LRP2: variants seen among roughly 807,000 people sequenced by gnomAD.
LRP2 encodes the protein LDL receptor related protein 2.
A neutral mutation model predicts 531.0 loss-of-function variants in LRP2; 172 were observed. That is an observed-to-expected ratio of 0.32 (90% CI 0.29 to 0.37). The LOEUF (loss-of-function observed/expected upper bound fraction) is 0.37. LRP2 is among the 10% of genes least tolerant of loss of function. LRP2 has a pLI of 1.00. For synonymous variants in LRP2, 1,992 were observed against 2,027.6 expected, an observed-to-expected ratio of 0.98 and a Z score of 0.47; for missense variants, 5,167 against 5,868.3, an observed-to-expected ratio of 0.88 and a Z score of 3.90.
At chr2:169,256,002 G>A in intron 19 of LRP2, 104 bp downstream of exon 19, 1 of 1,246,786 alleles carries the variant, frequency 8.0e-7, no homozygotes, top group Non-Finnish European at 1.2e-6. Context: ...ATTTTAAAGT[G>A]GCCAGCTTTT....
intron 22 of LRP2, among the ~76,000 whole-genome samples, chr2:169,244,351 A>C (rs1689923333): frequency 1.3e-5 from 2 of 152,236 alleles, no homozygotes; most frequent in South Asian, 4.1e-4. Context: ...AAAGGTCTGG[A>C]TATATCTATA....
intron 54 of LRP2, 112 bp from the exon 55 acceptor site, chr2:169,175,501 G>A (rs560858860): frequency 2.0e-5 from 19 of 940,668 alleles, no homozygotes; most frequent in African/African-American, 6.5e-5. Context: ...GCTCTCTCGT[G>A]GCCCTAGAAG....
chr2:169,240,168 A>T (rs1689753454), intron 25 of LRP2, among the ~76,000 whole-genome samples: 1 of 152,244 alleles, frequency 6.6e-6, no homozygotes, highest in African/African-American at 2.4e-5. Context: ...CAGAAATGGA[A>T]GATAGACAAA....
chr2:169,327,720 C>T (rs1415286189), intron 1 of LRP2, among the ~76,000 whole-genome samples: 1 of 130,268 alleles, frequency 7.7e-6, no homozygotes, highest in Non-Finnish European at 1.7e-5. Context: ...GGGATCAGCA[C>T]CCCGCCCGGC....
intron 44 of LRP2, among the ~76,000 whole-genome samples, chr2:169,200,588 G>A (rs1688171757): frequency 6.6e-6 from 1 of 152,110 alleles, no homozygotes; most frequent in Non-Finnish European, 1.5e-5. Context: ...AATACATGAA[G>A]ATCAAAGAGT....
In LRP2 at chr2:169,129,814, C is replaced by G. The variant is rs555708978; in HGVS notation, c.13729-730G>C. Among the ~76,000 whole-genome samples the G allele has an allele frequency of 7.2e-5, 11 of 152,290 alleles. No individual in the cohort carries two copies. The South Asian group carries it at 2.3e-3, about 32-fold the overall frequency. ...AAGATAATCACCCTGGACCATGGTGCGTGGCCCACGCTTTACTGAAAAGTT... is the reference window on the plus strand; with the variant it reads ...AAGATAATCACCCTGGACCATGGTGGGTGGCCCACGCTTTACTGAAAAGTT... On this transcript the variant is annotated intron_variant, in intron 77 of 78. Coordinates refer to ENST00000649046, the MANE Select transcript of LRP2 (RefSeq NM_004525.3).
intron 1 of LRP2, among the ~76,000 whole-genome samples, chr2:169,354,901 T>C (rs946925321): frequency 3.3e-5 from 5 of 152,226 alleles, no homozygotes; most frequent in African/African-American, 1.2e-4. Flanking sequence ...CTCTTTAAGC[T>C]TCTTTCTCTC....
At chr2:169,242,493 A>T (rs1689844151) in intron 24 of LRP2, among the ~76,000 whole-genome samples, 1 of 152,232 alleles carries the variant, frequency 6.6e-6, no homozygotes, top group African/African-American at 2.4e-5. Flanking sequence ...CATAGATAAC[A>T]TCTTAGCAGA....
intron 67 of LRP2, 41 bp from the exon 68 acceptor site, chr2:169,151,067 G>C: frequency 2.5e-6 from 4 of 1,611,052 alleles, no homozygotes; most frequent in African/African-American, 1.3e-5. Flanking sequence ...GCAAAGCCTA[G>C]AGTAATCATT....
chr2:169,337,247 A>G (rs1367345100), intron 1 of LRP2, among the ~76,000 whole-genome samples: 1 of 152,166 alleles, frequency 6.6e-6, no homozygotes, highest in Non-Finnish European at 1.5e-5. Flanking sequence ...CCAAGGAATG[A>G]ATTTTCTAAT....
At position 169,284,105 on chromosome 2, in the gene LRP2, T is replaced by C. The variant is rs574270047; in HGVS notation, c.1043-1104A>G. Among the ~76,000 whole-genome samples, 4 of 152,200 alleles carry C rather than the reference T, an allele frequency of 2.6e-5. No individual in the cohort carries two copies. In the South Asian group the frequency reaches 8.3e-4, roughly 32 times the overall value. ...TCTGAAACCACTGCACTCCCAAGTCTAGAATTCTCCAGATTTCTATGATCT... is the reference window on the plus strand; with the variant it reads ...TCTGAAACCACTGCACTCCCAAGTCCAGAATTCTCCAGATTTCTATGATCT... On this transcript the variant is annotated intron_variant, in intron 9 of 78. Transcript: ENST00000649046.
At chr2:169,234,045 A>G (rs894435577) in intron 29 of LRP2, among the ~76,000 whole-genome samples, 15 of 152,336 alleles carry the variant, frequency 9.8e-5, no homozygotes, top group Admixed American at 6.5e-5. Context: ...ATTCACATCA[A>G]TCTGTTATAG....
At chr2:169,343,198 C>A (rs1559084506) in intron 1 of LRP2, among the ~76,000 whole-genome samples, 1 of 152,214 alleles carries the variant, frequency 6.6e-6, no homozygotes, top group Non-Finnish European at 1.5e-5. Flanking sequence ...GGTCCACCAA[C>A]GTTTGAACTT....
At chr2:169,343,589 C>G (rs548095007) in intron 1 of LRP2, among the ~76,000 whole-genome samples, 1 of 152,268 alleles carries the variant, frequency 6.6e-6, no homozygotes, top group South Asian at 2.1e-4. Flanking sequence ...GTAGAAATTA[C>G]TAACACCCAT....
chr2:169,180,769 C>T lies in LRP2; in HGVS notation c.10169+679G>A, dbSNP rs566545484. ...GTTCCTGGATCGTTATCCATAAATG[C>T]TTATGCAGAAGACAATACTATGGTC... On this transcript the variant is annotated intron_variant, in intron 52 of 78. Coordinates refer to ENST00000649046, the MANE Select transcript of LRP2 (RefSeq NM_004525.3). Among the ~76,000 whole-genome samples the T allele has an allele frequency of 2.2e-4, 34 of 152,344 alleles. 1 individual carries two copies. The highest frequency in any genetic ancestry group is 3.6e-4 in the African/African-American group (15 of 41,580).
Position 169,185,801 on chromosome 2 carries a change from G to A in LRP2, c.9547C>T (p.Leu3183Phe). The change falls in exon 50 of 79, where the codon CTC becomes TTC. Residue 3183 changes from leucine to phenylalanine, a missense_variant. Physicochemically the swap from Leu to Phe is conservative, Grantham distance 22. Coordinates refer to ENST00000649046, the MANE Select transcript of LRP2 (RefSeq NM_004525.3). ...SYICKCAPGYLREPDGKTCRQ... is the reference protein window; with the variant it reads ...SYICKCAPGYFREPDGKTCRQ... ...CAGGTCTTTCCATCTGGTTCTCGGAGGTAGCCTGGGGCACACTTACAGATG... is the reference window on the plus strand; with the variant it reads ...CAGGTCTTTCCATCTGGTTCTCGGAAGTAGCCTGGGGCACACTTACAGATG... The A allele has an allele frequency of 6.2e-7, 1 of 1,613,992 alleles. No homozygotes were observed. Among genetic ancestry groups the A allele is most frequent in the Non-Finnish European group, 8.5e-7 (1 of 1,179,982 alleles).
chr2:169,242,997 C>G lies in LRP2; in HGVS notation c.3626G>C (p.Gly1209Ala). Residue 1209 changes from glycine to alanine, a missense_variant, in exon 24 of 79, where the codon GGT (glycine) becomes GCT (alanine). By Grantham distance (60) the Gly-to-Ala change is moderately conservative (BLOSUM62 0). Transcript: ENST00000649046. ...KCIGVTNRCD[G>A]VFDCSDNSDE... ...CGAGTTGTCACTGCAATCAAAAACA[C>G]CATCACAACGATTTGTGACGCCAAT... 1 of 1,614,146 alleles carries G rather than the reference C, an allele frequency of 6.2e-7. No individual in the cohort carries two copies.
intron 77 of LRP2, among the ~76,000 whole-genome samples, chr2:169,131,254 A>AGTGTGT (rs3835382): frequency 0.026 from 3,846 of 148,608 alleles, 60 homozygotes; most frequent in South Asian, 0.039. Context: ...TGAGTGTATG[A>AGTGTGT]GTGTGTGTGT....
chr2:169,180,471 A>C (rs1422904558), intron 52 of LRP2, among the ~76,000 whole-genome samples: 1 of 152,252 alleles, frequency 6.6e-6, no homozygotes, highest in Non-Finnish European at 1.5e-5. Flanking sequence ...GTAGCAAATG[A>C]ACCAGTTCAA....
Sources: allele counts gnomAD v4.1 joint callset (sites outside exome capture counted in the v4.1 genomes callset), GRCh38; gene constraint gnomAD v4.1.1; transcripts MANE v1.5; gene names NCBI Gene and HGNC (gene_info 2026-07-23, HGNC 2026-07-21).